GABRB2: variants seen among roughly 807,000 people sequenced by gnomAD.
GABRB2 encodes gamma-aminobutyric acid type A receptor subunit beta2.
In GABRB2, 16 loss-of-function variants were observed where a neutral mutation model predicts 54.7. The ratio of observed to expected loss-of-function variants is 0.29; its 90% confidence interval spans 0.20 to 0.44. GABRB2 has a LOEUF of 0.44. GABRB2 is among the 20% of genes least tolerant of loss of function. The probability of loss-of-function intolerance (pLI) is 1.00; values close to 1 mark genes in which losing one functional copy is unlikely to be tolerated. For synonymous variants in GABRB2, 244 were observed against 233.8 expected (o/e 1.04, Z -0.40); for missense variants, 355 against 644.0 (o/e 0.55, Z 4.86).
chr5:161,498,666 G>T (rs1326347260), intron 3 of GABRB2, among the ~76,000 whole-genome samples: 1 of 152,064 alleles, frequency 6.6e-6, no homozygotes, highest in Non-Finnish European at 1.5e-5. Flanking sequence ...TGGGTCCAGG[G>T]TCCAAACTCC....
At chr5:161,507,369 T>C (rs1759636396) in intron 3 of GABRB2, among the ~76,000 whole-genome samples, 1 of 152,102 alleles carries the variant, frequency 6.6e-6, no homozygotes, top group South Asian at 2.1e-4. Flanking sequence ...TTGATAAATA[T>C]AACATGGTTA....
At position 161,501,841 on chromosome 5, in the gene GABRB2, C is replaced by G. The variant is rs151084598; in HGVS notation, c.238-41997G>C. Among the ~76,000 whole-genome samples the G allele has an allele frequency of 7.1e-4, 106 of 149,214 alleles. 1 individual carries two copies. Among genetic ancestry groups the G allele is most frequent in the African/African-American group, 2.4e-3 (99 of 40,872 alleles). ...AACTATAACCTAATATGAAATATAA[C>G]CTAATAACCTAAAATATAAGTTAAA... is the stretch of plus-strand genomic sequence containing the variant. On this transcript the variant is annotated intron_variant, in intron 3 of 9. Coordinates refer to ENST00000393959, the MANE Select transcript of GABRB2 (RefSeq NM_001371727.1).
chr5:161,479,061 G>T (rs913247462), intron 3 of GABRB2, among the ~76,000 whole-genome samples: 1 of 151,934 alleles, frequency 6.6e-6, no homozygotes, highest in Non-Finnish European at 1.5e-5. Flanking sequence ...GACCCAGGCT[G>T]GTACAACAAC....
chr5:161,324,197 A>T (rs1471767389), intron 9 of GABRB2, among the ~76,000 whole-genome samples: 1 of 152,178 alleles, frequency 6.6e-6, no homozygotes, highest in African/African-American at 2.4e-5. Context: ...GTAGAATATG[A>T]TTTTTATATA....
chr5:161,480,772 G>A (rs1758737935), intron 3 of GABRB2, among the ~76,000 whole-genome samples: 1 of 151,932 alleles, frequency 6.6e-6, no homozygotes, highest in African/African-American at 2.4e-5. Context: ...GGTAAACCTG[G>A]CCAAGTTGGG....
chr5:161,383,305 G>T lies in GABRB2; in HGVS notation c.541+27670C>A, dbSNP rs1018989044. ...CCTGGGAATCACCATTCTACTCTCT[G>T]TTTTTATGAGTTCAACTTTTTATGA... On this transcript the variant is annotated intron_variant, in intron 5 of 9. Coordinates refer to ENST00000393959, the MANE Select transcript of GABRB2 (RefSeq NM_001371727.1). Among the ~76,000 whole-genome samples the T allele has an allele frequency of 2.6e-5, 4 of 151,604 alleles. No homozygotes were observed. The East Asian group carries it at 7.8e-4, about 29-fold the overall frequency.
intron 4 of GABRB2, among the ~76,000 whole-genome samples, chr5:161,438,534 C>G (rs1757374267): frequency 1.3e-5 from 2 of 152,036 alleles, no homozygotes; most frequent in South Asian, 2.1e-4. Context: ...AAAACATGAC[C>G]TCACCAAATG....
intron 5 of GABRB2, among the ~76,000 whole-genome samples, chr5:161,367,159 G>A (rs116663143): frequency 0.023 from 3,575 of 152,184 alleles, 139 homozygotes; most frequent in African/African-American, 0.08. Flanking sequence ...GGAATCTCTT[G>A]ATATCTATAG....
At chr5:161,345,605 G>T (rs1754299419) in intron 5 of GABRB2, among the ~76,000 whole-genome samples, 1 of 151,954 alleles carries the variant, frequency 6.6e-6, no homozygotes, top group Non-Finnish European at 1.5e-5. Context: ...TCAAATTTCT[G>T]CACCCTTTAA....
At chr5:161,334,592 C>A (rs182548440) in intron 7 of GABRB2, among the ~76,000 whole-genome samples, 160 bp downstream of exon 7, 70 of 152,252 alleles carry the variant, frequency 4.6e-4, no homozygotes, top group African/African-American at 1.6e-3. Flanking sequence ...TGATTTAATG[C>A]TGAATCAGAT....
chr5:161,462,197 G>A (rs1410898909), intron 3 of GABRB2, among the ~76,000 whole-genome samples: 1 of 152,062 alleles, frequency 6.6e-6, no homozygotes, highest in Non-Finnish European at 1.5e-5. Context: ...GGTGAAATTC[G>A]CTTTAGCGGA....
At chr5:161,466,546 A>G (rs913450606) in intron 3 of GABRB2, among the ~76,000 whole-genome samples, 1 of 152,096 alleles carries the variant, frequency 6.6e-6, no homozygotes, top group Non-Finnish European at 1.5e-5. Context: ...AACATCAGCC[A>G]TTGAAAGAAT....
chr5:161,304,225 T>C (rs34171843), intron 9 of GABRB2, among the ~76,000 whole-genome samples: 2,976 of 152,298 alleles, frequency 0.02, 45 homozygotes, highest in Non-Finnish European at 0.031. Context: ...TTAAATATTA[T>C]AGTGGCCCAA....
intron 3 of GABRB2, among the ~76,000 whole-genome samples, chr5:161,535,888 A>G (rs56394217): frequency 0.3 from 45,708 of 151,854 alleles, 7,162 homozygotes; most frequent in Admixed American, 0.41. Flanking sequence ...GCCTTATCTG[A>G]GGAGTAAGTT....
rs186705895 is a variant in GABRB2, at chr5:161,425,604, G to A, written c.459-14547C>T. On this transcript the variant is annotated intron_variant, in intron 4 of 9. Coordinates refer to ENST00000393959, the MANE Select transcript of GABRB2 (RefSeq NM_001371727.1). ...GTAAGCATAACTTTTTGTGCATTGG[G>A]AAACAAAAAGTTGTGATTCACTTTA... Among the ~76,000 whole-genome samples the A allele has an allele frequency of 2.0e-5, 3 of 152,082 alleles. No individual in the cohort carries two copies. In the East Asian group the frequency reaches 5.8e-4, roughly 29 times the overall value.
Position 161,417,471 on chromosome 5 carries a change from G to A in GABRB2, c.459-6414C>T, listed in dbSNP as rs551083749. Among the ~76,000 whole-genome samples, 3 of 152,316 alleles carry A rather than the reference G, an allele frequency of 2.0e-5. No individual in the cohort carries two copies. The South Asian group carries it at 6.2e-4, about 32-fold the overall frequency. On this transcript the variant is annotated intron_variant, in intron 4 of 9. Transcript: ENST00000393959. ...TATGAATTTTGGATGTTTGACTCCA[G>A]AGACCACATTTTTAACTAGAATGTG...
chr5:161,378,327 A>G (rs1316604572), intron 5 of GABRB2, among the ~76,000 whole-genome samples: 1 of 152,130 alleles, frequency 6.6e-6, no homozygotes, highest in Non-Finnish European at 1.5e-5. Context: ...TGAGAAGAAA[A>G]ATATCCAGTC....
At chr5:161,487,118 T>C (rs1036295708) in intron 3 of GABRB2, among the ~76,000 whole-genome samples, 28 of 151,954 alleles carry the variant, frequency 1.8e-4, no homozygotes, top group South Asian at 2.1e-4. Flanking sequence ...AAAACACAGA[T>C]ACTGAAAATG....
chr5:161,294,398 T>G lies in GABRB2; in HGVS notation c.1222A>C (p.Thr408Pro), dbSNP rs200591388. 110 of 1,613,450 alleles carry G rather than the reference T, an allele frequency of 6.8e-5. No homozygotes were observed. Among genetic ancestry groups the G allele is most frequent in the Non-Finnish European group, 8.7e-5 (103 of 1,179,750 alleles). The change falls in exon 10 of 10, where the codon ACT becomes CCT. Residue 408 changes from threonine (T) to proline (P), a missense_variant. Thr to Pro is a conservative substitution (Grantham distance 38). Coordinates refer to ENST00000393959, the MANE Select transcript of GABRB2 (RefSeq NM_001371727.1). Reference protein sequence around the residue: ...MDPHENILLSTLEIKNEMATS... With the variant: ...MDPHENILLSPLEIKNEMATS... ...GCCATTTCATTTTTTATCTCGAGAGTGCTCAGTAAGATGTTCTCATGGGGG... is the reference window on the plus strand; with the variant it reads ...GCCATTTCATTTTTTATCTCGAGAGGGCTCAGTAAGATGTTCTCATGGGGG...
Sources: gnomAD v4.1 joint callset for allele counts (sites outside exome capture counted in the v4.1 genomes callset) on GRCh38, gnomAD v4.1.1 for gene constraint, MANE v1.5 for transcripts, NCBI Gene and HGNC (gene_info 2026-07-23, HGNC 2026-07-21) for gene names.